The following PDE7B variants were observed in gnomAD, a reference collection of about 807,000 sequenced individuals.
The protein encoded by PDE7B is phosphodiesterase 7B.
In PDE7B, 29 loss-of-function variants were observed where a neutral mutation model predicts 56.2. That is an observed-to-expected ratio of 0.52 (90% CI 0.38 to 0.70). The LOEUF is 0.70. Ranked by LOEUF, PDE7B falls within the 30% of genes least tolerant of loss-of-function variation. The pLI, the probability that PDE7B is intolerant of heterozygous loss-of-function variation, is 0.00. For missense variants in PDE7B, 490 were observed against 565.0 expected, an observed-to-expected ratio of 0.87 and a Z score of 1.35; for synonymous variants, 197 against 196.9, an observed-to-expected ratio of 1.00 and a Z score of 0.00.
chr6:135,952,225 G>A (rs1386557296), intron 2 of PDE7B, among the ~76,000 whole-genome samples: 1 of 152,100 alleles, frequency 6.6e-6, no homozygotes, highest in Admixed American at 6.6e-5. Context: ...AATTGAAAAT[G>A]TAAAAATTGA....
At chr6:136,029,891 G>C (rs1776217041) in intron 2 of PDE7B, among the ~76,000 whole-genome samples, 1 of 152,168 alleles carries the variant, frequency 6.6e-6, no homozygotes, top group South Asian at 2.1e-4. Flanking sequence ...AGGAATCCCT[G>C]TACTGTACCA....
chr6:135,897,675 T>C (rs1016411074), intron 1 of PDE7B, among the ~76,000 whole-genome samples: 4 of 152,204 alleles, frequency 2.6e-5, no homozygotes, highest in African/African-American at 9.6e-5. Flanking sequence ...TAGGTATTAA[T>C]AGGCATTTGA....
At chr6:136,138,810 CAAAT>C (rs1042673071) in intron 3 of PDE7B, among the ~76,000 whole-genome samples, 2 of 152,014 alleles carry the variant, frequency 1.3e-5, no homozygotes, top group African/African-American at 4.8e-5. Context: ...TGAAAGTACA[CAAAT>C]AAAGAATACA....
At chr6:136,009,009 A>G (rs4895459) in intron 2 of PDE7B, among the ~76,000 whole-genome samples, 67,951 of 148,928 alleles carry the variant, frequency 0.46, 15,794 homozygotes, top group Admixed American at 0.56. Flanking sequence ...ATTAATTTTT[A>G]TATAAGGTGT....
At chr6:136,043,928 C>T (rs1245485034) in intron 2 of PDE7B, 1 of 152,198 alleles carries the variant, frequency 6.6e-6, no homozygotes, top group East Asian at 1.9e-4. Context: ...ATTCAAAGTT[C>T]TCCATCTGGC....
At chr6:136,176,245 T>G (rs1778975197) in intron 9 of PDE7B, among the ~76,000 whole-genome samples, 1 of 152,058 alleles carries the variant, frequency 6.6e-6, no homozygotes, top group Non-Finnish European at 1.5e-5. Context: ...CATGAAACAT[T>G]TCACCTAATT....
chr6:135,880,149 C>T (rs1775580093), intron 1 of PDE7B, among the ~76,000 whole-genome samples: 1 of 152,154 alleles, frequency 6.6e-6, no homozygotes, highest in Non-Finnish European at 1.5e-5. Flanking sequence ...ACATTCACCC[C>T]TCCTATACAT....
intron 2 of PDE7B, among the ~76,000 whole-genome samples, chr6:135,958,356 T>A (rs1774837299): frequency 1.3e-5 from 2 of 152,326 alleles, no homozygotes; most frequent in Non-Finnish European, 2.9e-5. Context: ...TTTGTATACA[T>A]CAAACTGTAC....
intron 8 of PDE7B, among the ~76,000 whole-genome samples, chr6:136,170,380 T>C (rs538687959): frequency 5.3e-5 from 8 of 152,284 alleles, no homozygotes; most frequent in African/African-American, 1.9e-4. Flanking sequence ...TGTGCAATCA[T>C]CACCACTACC....
At chr6:135,990,982 G>T (rs573700735) in intron 2 of PDE7B, among the ~76,000 whole-genome samples, 1 of 152,324 alleles carries the variant, frequency 6.6e-6, no homozygotes, top group Non-Finnish European at 1.5e-5. Flanking sequence ...TCTGGGAAAG[G>T]GGTGGGCAAT....
chr6:136,122,685 CA>C (rs1183570187), intron 3 of PDE7B, among the ~76,000 whole-genome samples: 1 of 152,188 alleles, frequency 6.6e-6, no homozygotes, highest in Non-Finnish European at 1.5e-5. Context: ...ATGTGCTAAG[CA>C]CTTTATATGT....
At chr6:135,962,936 CA>C (rs1774931817) in intron 2 of PDE7B, among the ~76,000 whole-genome samples, 1 of 152,130 alleles carries the variant, frequency 6.6e-6, no homozygotes, top group Admixed American at 6.6e-5. Flanking sequence ...AGTTGCAAAA[CA>C]ATAGGAAAGT....
chr6:135,882,067 T>G (rs1395478442), intron 1 of PDE7B, among the ~76,000 whole-genome samples: 1 of 152,194 alleles, frequency 6.6e-6, no homozygotes, highest in Non-Finnish European at 1.5e-5. Context: ...CAATTTAGAT[T>G]TAAATTTGCA....
intron 2 of PDE7B, among the ~76,000 whole-genome samples, chr6:136,020,049 C>T (rs933904969): frequency 6.6e-6 from 1 of 152,116 alleles, no homozygotes; most frequent in African/African-American, 2.4e-5. Flanking sequence ...TGTTTTTTCA[C>T]CCAATCAGAG....
intron 1 of PDE7B, among the ~76,000 whole-genome samples, chr6:135,869,650 C>G (rs1015322984): frequency 3.3e-5 from 5 of 152,096 alleles, no homozygotes; most frequent in African/African-American, 7.2e-5. Flanking sequence ...ATTGCTAAAT[C>G]TACGAAGAAA....
intron 11 of PDE7B, 50 bp downstream of exon 11, chr6:136,181,373 G>T (rs781109388): frequency 2.0e-5 from 22 of 1,112,146 alleles, no homozygotes; most frequent in African/African-American, 3.1e-5. Flanking sequence ...CTTCTTTTAG[G>T]CATTTATCCT....
chr6:136,117,318 T>A (rs1777850374), intron 3 of PDE7B: 1 of 152,240 alleles, frequency 6.6e-6, no homozygotes, highest in African/African-American at 2.4e-5. Flanking sequence ...AGCCTATCTC[T>A]GTGACCTCAT....
intron 1 of PDE7B, among the ~76,000 whole-genome samples, chr6:135,862,106 G>T (rs1440961777): frequency 1.3e-5 from 2 of 151,706 alleles, no homozygotes; most frequent in African/African-American, 4.8e-5. Context: ...TTGTTTTATT[G>T]TACTGGATAG....
Position 136,005,488 on chromosome 6 carries a change from G to T in PDE7B, c.82+57964G>T, listed in dbSNP as rs374968761. Among the ~76,000 whole-genome samples, 6 of 152,226 alleles carry T rather than the reference G, an allele frequency of 3.9e-5. No homozygotes were observed. The East Asian group carries it at 9.6e-4, about 24-fold the overall frequency. ...AGGGCTAATATCCAGAATCTACAAT[G>T]AACTCCAACAAATTTACAAGAAAAA... On this transcript the variant is annotated intron_variant, in intron 2 of 12. Coordinates refer to ENST00000308191, the MANE Select transcript of PDE7B (RefSeq NM_018945.4).
Sources: gnomAD v4.1 joint callset for allele counts (sites outside exome capture counted in the v4.1 genomes callset) on GRCh38, gnomAD v4.1.1 for gene constraint, MANE v1.5 for transcripts, NCBI Gene and HGNC (gene_info 2026-07-23, HGNC 2026-07-21) for gene names.